Variants in HEPH observed in about 807,000 individuals in gnomAD.
HEPH encodes hephaestin.
A neutral mutation model predicts 80.8 loss-of-function variants in HEPH; 69 were observed. That is an observed-to-expected ratio of 0.85 (90% CI 0.70 to 1.04). HEPH has a LOEUF of 1.04. HEPH is among the 50% of genes least tolerant of loss of function. The pLI is 0.00. For synonymous variants in HEPH, 431 were observed against 322.8 expected (o/e 1.34, Z -3.60); for missense variants, 1,115 against 891.3 (o/e 1.25, Z -3.20).
At chrX:66,216,120 A>G (rs2089378661) in intron 15 of HEPH, among the ~76,000 whole-genome samples, 1 of 111,406 alleles carries the variant, frequency 9.0e-6, no homozygotes, top group Non-Finnish European at 1.9e-5. Context: ...GTAGCCAAAG[A>G]CAACGAACAC....
At chrX:66,192,341 C>T in intron 7 of HEPH, 43 bp downstream of exon 7, 2 of 1,074,933 alleles carry the variant, frequency 1.9e-6, no homozygotes, top group Non-Finnish European at 2.5e-6. Flanking sequence ...TTTAATTGGT[C>T]CAGCTCCAAA....
At position 66,200,601 on chromosome X, in the gene HEPH, G is replaced by A; in HGVS notation, c.1926G>A (p.Val642=). The A allele has an allele frequency of 3.3e-6, 4 of 1,210,077 alleles. No homozygotes were observed. Among genetic ancestry groups the A allele is most frequent in the Non-Finnish European group, 4.5e-6 (4 of 894,599 alleles). The change falls in exon 12 of 21, where the codon GTG becomes GTA. Residue 642 remains valine (V), a synonymous_variant. Transcript: ENST00000343002. ...PRLDMCKGDT[V]AWHLLGLGTE... Reference sequence around the variant, plus strand: ...TGGACATGTGCAAGGGTGACACAGTGGCCTGGCACCTGCTCGGCCTGGGCA... The same window carrying A: ...TGGACATGTGCAAGGGTGACACAGTAGCCTGGCACCTGCTCGGCCTGGGCA...
At chrX:66,243,015 T>C (rs888768577) in intron 15 of HEPH, among the ~76,000 whole-genome samples, 3 of 111,937 alleles carry the variant, frequency 2.7e-5, no homozygotes, top group African/African-American at 9.7e-5. Flanking sequence ...TTAATGGGTA[T>C]ATAACCAAGG....
chrX:66,166,769 C>A (rs1191498963), intron 1 of HEPH, among the ~76,000 whole-genome samples: 2 of 111,976 alleles, frequency 1.8e-5, no homozygotes, highest in Non-Finnish European at 3.8e-5. Context: ...TTACATTATA[C>A]CATGTTGTTT....
intron 15 of HEPH, among the ~76,000 whole-genome samples, chrX:66,211,871 G>T (rs770217093): frequency 9.0e-6 from 1 of 111,434 alleles, no homozygotes; most frequent in African/African-American, 3.2e-5. Flanking sequence ...GACATTGCTG[G>T]ATTGAATAGT....
chrX:66,213,168 A>G (rs889622766), intron 15 of HEPH, among the ~76,000 whole-genome samples: 2 of 109,303 alleles, frequency 1.8e-5, no homozygotes, highest in African/African-American at 6.7e-5. Flanking sequence ...CTATCTCCCA[A>G]TGCTATCCCT....
chrX:66,257,533 C>A (rs2091221132), intron 17 of HEPH, among the ~76,000 whole-genome samples: 1 of 112,247 alleles, frequency 8.9e-6, no homozygotes, highest in Non-Finnish European at 1.9e-5. Flanking sequence ...GATTTCAGTT[C>A]TACAACTAAA....
At chrX:66,215,982 G>A (rs762222791) in intron 15 of HEPH, among the ~76,000 whole-genome samples, 2 of 111,769 alleles carry the variant, frequency 1.8e-5, no homozygotes, top group Non-Finnish European at 3.8e-5. Flanking sequence ...TGCAGCAGAG[G>A]CAGCCATAAT....
chrX:66,242,790 T>C (rs1050060183), intron 15 of HEPH, among the ~76,000 whole-genome samples: 1 of 111,881 alleles, frequency 8.9e-6, no homozygotes, highest in African/African-American at 3.2e-5. Context: ...ATTAGAGAAA[T>C]GCAGATTGAA....
At chrX:66,234,452 G>T (rs775447953) in intron 15 of HEPH, among the ~76,000 whole-genome samples, 6 of 111,465 alleles carry the variant, frequency 5.4e-5, no homozygotes, top group Admixed American at 4.8e-4. Context: ...TTGCTGAGTT[G>T]AATGGTAGTT....
intron 2 of HEPH, among the ~76,000 whole-genome samples, chrX:66,171,551 AG>A (rs917597840): frequency 5.4e-5 from 6 of 111,977 alleles, no homozygotes; most frequent in Admixed American, 2.8e-4. Flanking sequence ...TTCTCTCCAA[AG>A]CTTTGGAGTT....
At chrX:66,264,460 C>A (rs1161343350) in intron 20 of HEPH, among the ~76,000 whole-genome samples, 1 of 108,808 alleles carries the variant, frequency 9.2e-6, no homozygotes, top group Non-Finnish European at 1.9e-5. Context: ...GGAGTTAAAC[C>A]TTTGGAACCA....
intron 7 of HEPH, 152 bp from the exon 8 acceptor site, chrX:66,193,350 A>C (rs185545202): frequency 2.4e-5 from 8 of 332,213 alleles, no homozygotes; most frequent in Non-Finnish European, 4.2e-5. Context: ...GGTGCCACCA[A>C]AGGAGATATC....
At chrX:66,162,940 G>T (rs747861202), upstream of HEPH, 34 of 1,006,982 alleles carry the variant, frequency 3.4e-5, no homozygotes, top group South Asian at 7.6e-4. Context: ...GGGTCTGTTG[G>T]GTAGATGCAG....
intron 20 of HEPH, among the ~76,000 whole-genome samples, chrX:66,265,245 A>G (rs1396817150): frequency 9.0e-6 from 1 of 110,869 alleles, no homozygotes; most frequent in Non-Finnish European, 1.9e-5. Context: ...AGTGTCAGGT[A>G]CCAGGGATAT....
intron 18 of HEPH, among the ~76,000 whole-genome samples, 188 bp from the exon 19 acceptor site, chrX:66,259,912 G>C (rs949823699): frequency 3.7e-5 from 4 of 108,409 alleles, no homozygotes; most frequent in Non-Finnish European, 5.7e-5. Flanking sequence ...TTTTTTAGTA[G>C]AGACGGGGTT....
intron 15 of HEPH, among the ~76,000 whole-genome samples, chrX:66,254,795 G>T (rs750133757): frequency 1.4e-5 from 1 of 71,999 alleles, no homozygotes; most frequent in South Asian, 8.6e-4. Context: ...AAAAAAAGTA[G>T]CAAGGCTGCC....
chrX:66,234,761 C>T (rs149184348), intron 15 of HEPH, among the ~76,000 whole-genome samples: 2,348 of 110,640 alleles, frequency 0.021, 46 homozygotes, highest in Non-Finnish European at 0.036. Flanking sequence ...CTCAGCCTTG[C>T]GGGTAGCTGG....
At chrX:66,166,120 T>C (rs2086350509) in intron 1 of HEPH, among the ~76,000 whole-genome samples, 1 of 112,037 alleles carries the variant, frequency 8.9e-6, no homozygotes, top group Admixed American at 9.5e-5. Flanking sequence ...AATCCAGAGC[T>C]AGAACTTACT....
Sources: allele counts gnomAD v4.1 joint callset (sites outside exome capture counted in the v4.1 genomes callset), GRCh38; gene constraint gnomAD v4.1.1; transcripts MANE v1.5; gene names NCBI Gene and HGNC (gene_info 2026-07-23, HGNC 2026-07-21).